The following EIF4E variants were observed in gnomAD, a reference collection of about 807,000 sequenced individuals.
EIF4E encodes eukaryotic translation initiation factor 4E.
For missense variants in EIF4E, 113 were observed against 265.6 expected, an observed-to-expected ratio of 0.43 and a Z score of 3.99; for synonymous variants, 71 against 88.5, an observed-to-expected ratio of 0.80 and a Z score of 1.11.
intron 1 of EIF4E, among the ~76,000 whole-genome samples, chr4:98,922,010 G>T (rs1725662145): frequency 6.6e-6 from 1 of 152,016 alleles, no homozygotes. Flanking sequence ...AATATAACAG[G>T]GCCTAAAAAT....
chr4:98,917,112 AC>A (rs1725412942), intron 1 of EIF4E, among the ~76,000 whole-genome samples: 2 of 80,168 alleles, frequency 2.5e-5, no homozygotes, highest in Admixed American at 1.2e-4. Context: ...ACACACACAC[AC>A]ACACACACAC....
chr4:98,927,225 A>C (rs1725909185), intron 1 of EIF4E, among the ~76,000 whole-genome samples: 1 of 152,222 alleles, frequency 6.6e-6, no homozygotes, highest in African/African-American at 2.4e-5. Flanking sequence ...ATAAATGAAA[A>C]CTGGTGCCAA....
intron 2 of EIF4E, chr4:98,895,593 A>G (rs1724345927): frequency 6.6e-6 from 1 of 152,280 alleles, no homozygotes; most frequent in South Asian, 2.1e-4. Context: ...GCATTTCAAC[A>G]TGTACTTGAT....
chr4:98,894,709 T>C (rs1473888482), intron 2 of EIF4E, among the ~76,000 whole-genome samples: 1 of 152,244 alleles, frequency 6.6e-6, no homozygotes, highest in African/African-American at 2.4e-5. Context: ...AAGGCTGTTT[T>C]GTTTTCTTAT....
At chr4:98,881,684 CACAA>C (rs1723697492) in intron 6 of EIF4E, among the ~76,000 whole-genome samples, 1 of 152,156 alleles carries the variant, frequency 6.6e-6, no homozygotes, top group African/African-American at 2.4e-5. Context: ...TATAAGACTG[CACAA>C]ACAAAAACTA....
At chr4:98,892,824 A>G (rs1724211455) in intron 2 of EIF4E, among the ~76,000 whole-genome samples, 1 of 152,238 alleles carries the variant, frequency 6.6e-6, no homozygotes, top group African/African-American at 2.4e-5. Context: ...CCTAACTGGG[A>G]AAATAATAAA....
At chr4:98,896,804 CA>C (rs1724430134) in intron 2 of EIF4E, among the ~76,000 whole-genome samples, 1 of 151,492 alleles carries the variant, frequency 6.6e-6, no homozygotes, top group Admixed American at 6.6e-5. Context: ...AGCAAAACTC[CA>C]ACTCTACAAA....
chr4:98,907,820 C>T (rs1326763412), intron 1 of EIF4E, among the ~76,000 whole-genome samples: 1 of 152,018 alleles, frequency 6.6e-6, no homozygotes, highest in East Asian at 1.9e-4. Context: ...TAAAAAGTGC[C>T]GTGTGGGTTT....
intron 2 of EIF4E, among the ~76,000 whole-genome samples, chr4:98,894,832 G>A (rs1724298719): frequency 6.6e-6 from 1 of 152,150 alleles, no homozygotes; most frequent in Non-Finnish European, 1.5e-5. Context: ...GGCCTGTGTT[G>A]GCTTTTGACA....
rs569396365 is a variant in EIF4E, at chr4:98,893,147, T to A, written c.126-1815A>T. 2.0e-5 allele frequency among the ~76,000 whole-genome samples: 3 copies of A among 151,280 alleles called. No homozygotes were observed. In the South Asian group the frequency reaches 6.3e-4, roughly 32 times the overall value. On this transcript the variant is annotated intron_variant, in intron 2 of 6. Coordinates refer to ENST00000450253, the MANE Select transcript of EIF4E (RefSeq NM_001968.5). Reference sequence around the variant, plus strand: ...ATTATGTCTGAAATAGCATTACATCTAAAAAAAAATGTACATACCTTAATT... The same window carrying A: ...ATTATGTCTGAAATAGCATTACATCAAAAAAAAAATGTACATACCTTAATT...
chr4:98,903,662 A>C (rs1402844147), intron 1 of EIF4E, among the ~76,000 whole-genome samples: 2 of 152,154 alleles, frequency 1.3e-5, no homozygotes, highest in African/African-American at 4.8e-5. Flanking sequence ...ATTAGCCTAT[A>C]AAGTCACCCA....
At chr4:98,881,187 T>C in intron 6 of EIF4E, 45 bp from the exon 7 acceptor site, 1 of 1,597,508 alleles carries the variant, frequency 6.3e-7, no homozygotes, top group Non-Finnish European at 8.5e-7. Context: ...GTCATTAACT[T>C]TTACTCACAA....
chr4:98,900,689 C>T (rs1186336771), intron 2 of EIF4E, among the ~76,000 whole-genome samples: 1 of 152,158 alleles, frequency 6.6e-6, no homozygotes, highest in Non-Finnish European at 1.5e-5. Flanking sequence ...CCACCATCAG[C>T]ATTCAGTGAA....
At chr4:98,916,678 T>G (rs1725394915) in intron 1 of EIF4E, among the ~76,000 whole-genome samples, 1 of 152,164 alleles carries the variant, frequency 6.6e-6, no homozygotes, top group African/African-American at 2.4e-5. Context: ...TTCAGACTCA[T>G]CAGCAGCTAC....
chr4:98,900,336 A>G (rs1160911946), intron 2 of EIF4E, among the ~76,000 whole-genome samples: 1 of 152,178 alleles, frequency 6.6e-6, no homozygotes, highest in Non-Finnish European at 1.5e-5. Flanking sequence ...TCCATTGTCT[A>G]AAAAACTGAT....
intron 2 of EIF4E, among the ~76,000 whole-genome samples, chr4:98,895,889 A>G (rs777588226): frequency 2.0e-5 from 3 of 151,994 alleles, no homozygotes; most frequent in Non-Finnish European, 4.4e-5. Context: ...CATCTCTACT[A>G]GACATTTAAA....
intron 1 of EIF4E, 172 bp downstream of exon 1, chr4:98,928,923 G>T: frequency 6.4e-7 from 1 of 1,571,532 alleles, no homozygotes; most frequent in South Asian, 1.2e-5. Context: ...CGCCGCCTCG[G>T]CCATCCTCCG....
At chr4:98,903,606 G>T in intron 1 of EIF4E, 1 of 383,414 alleles carries the variant, frequency 2.6e-6, no homozygotes, top group South Asian at 1.9e-5. Flanking sequence ...GGCCTCCCAA[G>T]GGATATGTTT....
intron 1 of EIF4E, among the ~76,000 whole-genome samples, chr4:98,924,373 G>A (rs574578889): frequency 4.7e-5 from 7 of 150,494 alleles, no homozygotes; most frequent in East Asian, 4.0e-4. Flanking sequence ...CACCGCACCC[G>A]GCCCATATTC....
Sources: allele counts gnomAD v4.1 joint callset (sites outside exome capture counted in the v4.1 genomes callset), GRCh38; gene constraint gnomAD v4.1.1; transcripts MANE v1.5; gene names NCBI Gene and HGNC (gene_info 2026-07-23, HGNC 2026-07-21).